Variants in BAZ2B observed in about 807,000 individuals in gnomAD.
BAZ2B encodes bromodomain adjacent to zinc finger domain 2B, also known as bromodomain adjacent to zinc finger domain protein 2B.
A neutral mutation model predicts 246.0 loss-of-function variants in BAZ2B; 91 were observed. That is an observed-to-expected ratio of 0.37 (90% CI 0.31 to 0.44). The LOEUF (loss-of-function observed/expected upper bound fraction) is 0.44, where lower values mean the gene tolerates loss of function less well. Among genes scored for constraint, BAZ2B ranks in the 20% least tolerant of loss-of-function variants. BAZ2B has a pLI of 1.00. For missense variants in BAZ2B, 2,332 were observed against 2,533.7 expected, an observed-to-expected ratio of 0.92 and a Z score of 1.71; for synonymous variants, 855 against 860.0, an observed-to-expected ratio of 0.99 and a Z score of 0.10.
intron 27 of BAZ2B, among the ~76,000 whole-genome samples, chr2:159,361,765 C>T (rs1031486764): frequency 3.3e-5 from 5 of 152,276 alleles, no homozygotes; most frequent in African/African-American, 1.2e-4. Flanking sequence ...CCATGGAATA[C>T]TATGCAGCCA....
chr2:159,651,226 T>C, the BAZ2B span, among the ~76,000 whole-genome samples: 9 of 152,210 alleles, frequency 5.9e-5, no homozygotes, highest in Non-Finnish European at 1.3e-4. Flanking sequence ...TACAGTATTA[T>C]GGCCATCTTA....
the BAZ2B span, among the ~76,000 whole-genome samples, chr2:159,680,370 G>A: frequency 6.6e-6 from 1 of 152,134 alleles, no homozygotes; most frequent in Non-Finnish European, 1.5e-5. Context: ...CTATTTGTTA[G>A]ATACCACGGT....
At chr2:159,362,836 T>C (rs543392807) in intron 27 of BAZ2B, among the ~76,000 whole-genome samples, 17 of 152,178 alleles carry the variant, frequency 1.1e-4, no homozygotes, top group African/African-American at 3.9e-4. Flanking sequence ...GGAGTACAAA[T>C]TGGTAGGGTG....
At chr2:159,539,673 C>T (rs1018075198) in intron 2 of BAZ2B, among the ~76,000 whole-genome samples, 26 of 152,192 alleles carry the variant, frequency 1.7e-4, no homozygotes, top group African/African-American at 6.0e-4. Flanking sequence ...CCCAGGAGTT[C>T]AAGACCAGCC....
chr2:159,466,344 C>G (rs1039010618), intron 3 of BAZ2B, among the ~76,000 whole-genome samples: 2 of 152,164 alleles, frequency 1.3e-5, no homozygotes, highest in Non-Finnish European at 2.9e-5. Flanking sequence ...AGTTTTAAGT[C>G]TTAGTCCTGT....
At chr2:159,548,127 T>C (rs1024980789) in intron 2 of BAZ2B, among the ~76,000 whole-genome samples, 7 of 152,202 alleles carry the variant, frequency 4.6e-5, no homozygotes, top group Non-Finnish European at 7.4e-5. Flanking sequence ...TACATACTAA[T>C]TTTGAAGATA....
intron 2 of BAZ2B, among the ~76,000 whole-genome samples, chr2:159,484,512 A>T (rs2079603014): frequency 1.3e-5 from 2 of 152,214 alleles, no homozygotes; most frequent in Admixed American, 6.5e-5. Flanking sequence ...TTTATCTATA[A>T]CAATTCTGAG....
At chr2:159,701,300 T>C in the BAZ2B span, among the ~76,000 whole-genome samples, 3 of 152,276 alleles carry the variant, frequency 2.0e-5, no homozygotes, top group Admixed American at 2.0e-4. Flanking sequence ...AATTTAGTTA[T>C]AGACACAAAC....
At chr2:159,564,599 GA>G (rs201646075) in intron 1 of BAZ2B, among the ~76,000 whole-genome samples, 5 of 151,524 alleles carry the variant, frequency 3.3e-5, no homozygotes, top group Admixed American at 6.6e-5. Context: ...GACTAAACAA[GA>G]AAAAAAACAG....
intron 27 of BAZ2B, among the ~76,000 whole-genome samples, chr2:159,352,356 G>A (rs190683534): frequency 3.9e-5 from 6 of 152,124 alleles, no homozygotes; most frequent in African/African-American, 1.4e-4. Context: ...ATCTTAGAAT[G>A]TCATTCTATA....
chr2:159,687,982 TTTTTC>T, the BAZ2B span, among the ~76,000 whole-genome samples: 2 of 152,134 alleles, frequency 1.3e-5, no homozygotes, highest in Middle Eastern at 3.2e-3. Flanking sequence ...CAGGACAAAT[TTTTTC>T]TTTTATCTAC....
intron 2 of BAZ2B, among the ~76,000 whole-genome samples, chr2:159,541,669 GCT>G (rs1178872376): frequency 6.6e-6 from 1 of 152,108 alleles, no homozygotes; most frequent in African/African-American, 2.4e-5. Flanking sequence ...TGCAATCCTT[GCT>G]CTCTGTACTC....
At chr2:159,670,043 T>C in the BAZ2B span, among the ~76,000 whole-genome samples, 82 of 152,234 alleles carry the variant, frequency 5.4e-4, no homozygotes, top group Middle Eastern at 3.4e-3. Flanking sequence ...TGACCTCGGC[T>C]CACTGCAACC....
intron 2 of BAZ2B, among the ~76,000 whole-genome samples, chr2:159,493,408 C>T (rs2080721619): frequency 6.6e-6 from 1 of 152,160 alleles, no homozygotes; most frequent in Non-Finnish European, 1.5e-5. Flanking sequence ...GTGAGGAAGC[C>T]TGTTTCATAC....
At chr2:159,571,092 G>A (rs1683895304) in intron 1 of BAZ2B, among the ~76,000 whole-genome samples, 2 of 152,100 alleles carry the variant, frequency 1.3e-5, no homozygotes, top group Non-Finnish European at 2.9e-5. Flanking sequence ...GACTGCAAGT[G>A]AACCGCCCGC....
chr2:159,537,718 A>T (rs60278928), intron 2 of BAZ2B, among the ~76,000 whole-genome samples: 12,873 of 152,212 alleles, frequency 0.085, 798 homozygotes, highest in East Asian at 0.28. Flanking sequence ...AATCTGATAA[A>T]TCAGTTACTA....
chr2:159,454,572 A>T (rs991700508), intron 3 of BAZ2B, among the ~76,000 whole-genome samples: 2 of 152,202 alleles, frequency 1.3e-5, no homozygotes, highest in African/African-American at 4.8e-5. Flanking sequence ...TACAGTAAAA[A>T]TATGGCATTA....
intron 27 of BAZ2B, among the ~76,000 whole-genome samples, chr2:159,357,389 TAATGA>T (rs2059228588): frequency 6.6e-6 from 1 of 151,608 alleles, no homozygotes; most frequent in Admixed American, 6.6e-5. Flanking sequence ...AATATCAACT[TAATGA>T]AATAAAGCGT....
chr2:159,370,177 G>T (rs186415564), intron 27 of BAZ2B, among the ~76,000 whole-genome samples: 39 of 152,240 alleles, frequency 2.6e-4, no homozygotes, highest in Non-Finnish European at 4.6e-4. Context: ...TCGTGGGGTG[G>T]TGGGAGAGGG....
Sources: allele counts gnomAD v4.1 joint callset (sites outside exome capture counted in the v4.1 genomes callset), GRCh38; gene constraint gnomAD v4.1.1; transcripts MANE v1.5; gene names NCBI Gene and HGNC (gene_info 2026-07-23, HGNC 2026-07-21).